The following INVS variants were observed in gnomAD, a reference collection of about 807,000 sequenced individuals.
INVS encodes the protein inversion of embryo turning homolog.
INVS carries 86 observed loss-of-function variants against 108.8 expected under a neutral mutation model. The ratio of observed to expected loss-of-function variants is 0.79; its 90% confidence interval spans 0.66 to 0.95. The LOEUF (loss-of-function observed/expected upper bound fraction) is 0.95, where lower values mean the gene tolerates loss of function less well. INVS is among the 40% of genes least tolerant of loss of function. The pLI is 0.00. For missense variants in INVS, 1,169 were observed against 1,297.4 expected (o/e 0.90, Z 1.52); for synonymous variants, 455 against 473.5 (o/e 0.96, Z 0.51).
chr9:100,173,586 G>A (rs546990671), intron 3 of INVS, among the ~76,000 whole-genome samples: 1 of 152,192 alleles, frequency 6.6e-6, no homozygotes, highest in African/African-American at 2.4e-5. Context: ...AAAATTAGCT[G>A]GGCATGGTGG....
In INVS at chr9:100,177,031, A is replaced by T. The variant is rs568195497; in HGVS notation, c.274-49031A>T. On this transcript the variant is annotated intron_variant, in intron 3 of 16. Coordinates refer to ENST00000262457, the MANE Select transcript of INVS (RefSeq NM_014425.5). ...AAAAGCAGCCAAAGAAAAAGACATG[A>T]TGATGCCCTAACCAAGGGAAACCGT... Among the ~76,000 whole-genome samples the T allele has an allele frequency of 1.1e-4, 16 of 151,702 alleles. No homozygotes were observed. In the East Asian group the frequency reaches 3.1e-3, roughly 29 times the overall value.
intron 11 of INVS, among the ~76,000 whole-genome samples, chr9:100,271,780 G>C (rs1000939313): frequency 1.8e-4 from 28 of 151,962 alleles, no homozygotes; most frequent in African/African-American, 6.3e-4. Flanking sequence ...TCTGGGAACT[G>C]TTATCTTTGT....
chr9:100,143,103 G>A (rs1433088623), intron 3 of INVS, among the ~76,000 whole-genome samples: 1 of 152,182 alleles, frequency 6.6e-6, no homozygotes, highest in Non-Finnish European at 1.5e-5. Context: ...CCTGATGGGT[G>A]TCAGGGTCAG....
intron 3 of INVS, among the ~76,000 whole-genome samples, chr9:100,127,995 T>G (rs934928549): frequency 5.9e-5 from 9 of 152,208 alleles, no homozygotes; most frequent in Non-Finnish European, 1.3e-4. Context: ...TTTTTCATTA[T>G]GATTGATTTA....
chr9:100,201,444 A>G (rs892513864), intron 3 of INVS, among the ~76,000 whole-genome samples: 6 of 152,246 alleles, frequency 3.9e-5, no homozygotes, highest in Admixed American at 3.3e-4. Flanking sequence ...CCAGATATGC[A>G]GAAACATGAT....
chr9:100,129,624 T>C (rs909786295), intron 3 of INVS: 7 of 627,570 alleles, frequency 1.1e-5, no homozygotes, highest in African/African-American at 3.7e-5. Flanking sequence ...CTAATTTGCC[T>C]GTCAAAAAAA....
chr9:100,169,269 T>C (rs1482146253), intron 3 of INVS, among the ~76,000 whole-genome samples: 1 of 152,204 alleles, frequency 6.6e-6, no homozygotes, highest in Non-Finnish European at 1.5e-5. Context: ...CAGGATTGCA[T>C]TTAAGTGATA....
chr9:100,145,690 G>A (rs189744196), intron 3 of INVS, among the ~76,000 whole-genome samples: 16 of 152,210 alleles, frequency 1.1e-4, no homozygotes, highest in South Asian at 1.0e-3. Flanking sequence ...CAAGGCAGGC[G>A]TCCCCGTGTG....
intron 3 of INVS, among the ~76,000 whole-genome samples, chr9:100,152,099 TC>T (rs1314104802): frequency 3.3e-5 from 5 of 152,198 alleles, no homozygotes; most frequent in Admixed American, 3.3e-4. Flanking sequence ...TATCCTTTGT[TC>T]CTCCAGTACC....
chr9:100,138,177 A>G (rs1828293326), intron 3 of INVS, among the ~76,000 whole-genome samples: 1 of 152,188 alleles, frequency 6.6e-6, no homozygotes, highest in Non-Finnish European at 1.5e-5. Flanking sequence ...AGGCTGAGGC[A>G]GGTGGATCAC....
At chr9:100,262,520 C>G (rs1200138643) in intron 10 of INVS, among the ~76,000 whole-genome samples, 1 of 150,846 alleles carries the variant, frequency 6.6e-6, no homozygotes, top group Non-Finnish European at 1.5e-5. Context: ...CACATATTCC[C>G]TTATCTTTTT....
intron 3 of INVS, among the ~76,000 whole-genome samples, chr9:100,137,221 G>A (rs1016164462): frequency 3.9e-5 from 6 of 152,166 alleles, no homozygotes; most frequent in African/African-American, 1.4e-4. Context: ...AGGAGTTCTA[G>A]GTTTTCTTTT....
intron 12 of INVS, among the ~76,000 whole-genome samples, chr9:100,275,584 T>G (rs1833088756): frequency 6.6e-6 from 1 of 152,238 alleles, no homozygotes; most frequent in Non-Finnish European, 1.5e-5. Context: ...GATGCTAAAC[T>G]CAGTCCTTGC....
intron 2 of INVS, among the ~76,000 whole-genome samples, chr9:100,111,102 C>G (rs1298701414): frequency 6.6e-6 from 1 of 152,102 alleles, no homozygotes; most frequent in Non-Finnish European, 1.5e-5. Context: ...CAGCAAAATG[C>G]CTTCCCAAGA....
At chr9:100,221,677 T>G (rs1240165524) in intron 3 of INVS, among the ~76,000 whole-genome samples, 1 of 152,058 alleles carries the variant, frequency 6.6e-6, no homozygotes, top group Non-Finnish European at 1.5e-5. Flanking sequence ...TATAGACATC[T>G]TTCTCAGTGA....
chr9:100,253,906 T>C (rs1402491730), intron 10 of INVS, among the ~76,000 whole-genome samples: 3 of 152,208 alleles, frequency 2.0e-5, no homozygotes, highest in Non-Finnish European at 4.4e-5. Flanking sequence ...AGCAGCATGA[T>C]TTATAATCCT....
chr9:100,134,184 TATG>T (rs746383027), intron 3 of INVS, among the ~76,000 whole-genome samples: 33 of 152,248 alleles, frequency 2.2e-4, no homozygotes, highest in Middle Eastern at 3.4e-3. Context: ...AGTGAGAACA[TATG>T]ATGTTTGGTT....
At chr9:100,182,900 A>T (rs556308631) in intron 3 of INVS, among the ~76,000 whole-genome samples, 1 of 152,226 alleles carries the variant, frequency 6.6e-6, no homozygotes, top group Non-Finnish European at 1.5e-5. Flanking sequence ...GATAGACTGG[A>T]TAAAGAAAAT....
chr9:100,163,182 T>A (rs770904059), intron 3 of INVS, among the ~76,000 whole-genome samples: 16 of 121,142 alleles, frequency 1.3e-4, no homozygotes, highest in African/African-American at 2.9e-4. Flanking sequence ...TTGATGTTCT[T>A]TCTATTTTTT....
Sources: gnomAD v4.1 joint callset for allele counts (sites outside exome capture counted in the v4.1 genomes callset) on GRCh38, gnomAD v4.1.1 for gene constraint, MANE v1.5 for transcripts, NCBI Gene and HGNC (gene_info 2026-07-23, HGNC 2026-07-21) for gene names.